The following SH3GLB1 variants were observed in gnomAD, a reference collection of about 807,000 sequenced individuals.
SH3GLB1 encodes the protein SH3 domain containing GRB2 like, endophilin B1, also known as endophilin-B1.
SH3GLB1 carries 17 observed loss-of-function variants against 42.0 expected under a neutral mutation model. The observed-to-expected ratio is 0.40, with a 90% CI of 0.28 to 0.61. SH3GLB1 has a LOEUF of 0.61. Among genes scored for constraint, SH3GLB1 ranks in the 20% least tolerant of loss-of-function variants. SH3GLB1 has a pLI of 0.36. For synonymous variants in SH3GLB1, 132 were observed against 146.6 expected (o/e 0.90, Z 0.72); for missense variants, 355 against 426.3 (o/e 0.83, Z 1.47).
At position 86,743,213 on chromosome 1, in the gene SH3GLB1, C is replaced by T. The variant is rs1656145876; in HGVS notation, c.1076C>T (p.Thr359Ile). 1 of 1,612,786 alleles carries T rather than the reference C, an allele frequency of 6.2e-7. No individual in the cohort carries two copies. The highest frequency in any genetic ancestry group is 1.7e-5 in the Admixed American group (1 of 59,794). The change falls in exon 9 of 9, where the codon ACC becomes ATC. Residue 359 changes from threonine to isoleucine, a missense_variant. Transcript: ENST00000370558. ...AACCAGAAGGGCAAGGTGCCAATTA[C>T]CTACTTAGAACTGCTCAATTAAGTA... ...RGNQKGKVPI[T>I]YLELLN
At chr1:86,725,708 TA>T (rs1263688438) in intron 5 of SH3GLB1, among the ~76,000 whole-genome samples, 1 of 152,162 alleles carries the variant, frequency 6.6e-6, no homozygotes, top group Non-Finnish European at 1.5e-5. Flanking sequence ...GTTTGGGAGA[TA>T]AAAAGGTTGA....
At chr1:86,729,950 T>C (rs1230442912) in intron 5 of SH3GLB1, 2 of 773,052 alleles carry the variant, frequency 2.6e-6, no homozygotes, top group African/African-American at 1.8e-5. Flanking sequence ...TAGTTACTAC[T>C]GTGTTTAATC....
intron 5 of SH3GLB1, among the ~76,000 whole-genome samples, chr1:86,729,659 TTATTA>T (rs2101965214): frequency 6.6e-6 from 1 of 152,234 alleles, no homozygotes; most frequent in South Asian, 2.1e-4. Flanking sequence ...CATTTTATAT[TTATTA>T]TATCTCCAGC....
At chr1:86,724,988 ATG>A (rs1484172985) in intron 5 of SH3GLB1, among the ~76,000 whole-genome samples, 14 of 145,928 alleles carry the variant, frequency 9.6e-5, no homozygotes, top group African/African-American at 3.3e-4. Context: ...AAATATATAT[ATG>A]TGTGTATATA....
At chr1:86,733,887 A>G (rs772752546) in intron 5 of SH3GLB1, among the ~76,000 whole-genome samples, 8 of 151,180 alleles carry the variant, frequency 5.3e-5, no homozygotes, top group Non-Finnish European at 1.2e-4. Flanking sequence ...TTTTTTTTTT[A>G]TTTCTTGGGG....
intron 5 of SH3GLB1, chr1:86,728,477 A>G (rs1655324863): frequency 1.9e-6 from 3 of 1,543,856 alleles, no homozygotes; most frequent in Non-Finnish European, 2.6e-6. Context: ...TCCTGCATGT[A>G]AAATGGCTGA....
rs960192096 is a variant in SH3GLB1, at chr1:86,710,866, A to G, written c.73-4858A>G. Among the ~76,000 whole-genome samples the G allele has an allele frequency of 7.2e-5, 11 of 152,246 alleles. No individual in the cohort carries two copies. The East Asian group carries it at 2.1e-3, about 29-fold the overall frequency. On this transcript the variant is annotated intron_variant, in intron 1 of 8. Transcript: ENST00000370558. ...ACTAAACCAAGCGATACATATTTAA[A>G]TAGTTATGAATGAGTTTAGAACAGT... is the stretch of plus-strand genomic sequence containing the variant.
At chr1:86,736,908 TCACACTAA>T (rs1655807554) in intron 7 of SH3GLB1, among the ~76,000 whole-genome samples, 1 of 152,196 alleles carries the variant, frequency 6.6e-6, no homozygotes, top group South Asian at 2.1e-4. Flanking sequence ...TCATCCAGCT[TCACACTAA>T]CACATTCAAA....
At chr1:86,728,630 A>G (rs1042219428) in intron 5 of SH3GLB1, 1 of 510,642 alleles carries the variant, frequency 2.0e-6, no homozygotes, top group African/African-American at 2.0e-5. Flanking sequence ...ATACTAGCTG[A>G]AGTAATACTG....
At chr1:86,708,988 T>TA (rs1292630639) in intron 1 of SH3GLB1, among the ~76,000 whole-genome samples, 1 of 152,060 alleles carries the variant, frequency 6.6e-6, no homozygotes, top group East Asian at 1.9e-4. Context: ...ATGGAGAGAG[T>TA]AAAAAAAATT....
At position 86,745,306 on chromosome 1, in the gene SH3GLB1, T is replaced by C. The variant is rs1656246546; in HGVS notation, c.*2071T>C. 6.6e-6 allele frequency: 1 copy of C among 152,210 alleles called. No individual in the cohort carries two copies. The highest frequency in any genetic ancestry group is 1.5e-5 in the Non-Finnish European group (1 of 68,028). The allele number at this position is 152,210 out of a possible 1,614,324, so 9.4% of individuals were successfully genotyped here. ...ATGTTATCTTGTATTTCAGGTGCCTTTCAGGGAAAGGCTTGGCACATAGTA... is the reference window on the plus strand; with the variant it reads ...ATGTTATCTTGTATTTCAGGTGCCTCTCAGGGAAAGGCTTGGCACATAGTA... On this transcript the variant is annotated 3_prime_UTR_variant, in exon 9 of 9. Coordinates refer to ENST00000370558, the MANE Select transcript of SH3GLB1 (RefSeq NM_016009.5).
intron 3 of SH3GLB1, 28 bp downstream of exon 3, chr1:86,719,663 A>G (rs747331777): frequency 1.9e-6 from 3 of 1,599,094 alleles, no homozygotes; most frequent in Non-Finnish European, 2.6e-6. Flanking sequence ...AGTTCTAATA[A>G]GGGATATCTT....
intron 7 of SH3GLB1, among the ~76,000 whole-genome samples, chr1:86,736,130 TC>T: frequency 6.6e-6 from 1 of 152,006 alleles, no homozygotes; most frequent in East Asian, 1.9e-4. Flanking sequence ...AGCATAGTGT[TC>T]AAGAATGGAA....
intron 5 of SH3GLB1, among the ~76,000 whole-genome samples, chr1:86,726,944 T>C (rs531760780): frequency 6.6e-6 from 1 of 152,132 alleles, no homozygotes; most frequent in African/African-American, 2.4e-5. Context: ...TTACTTTGAC[T>C]TCACGTCTTT....
intron 7 of SH3GLB1, 59 bp downstream of exon 7, chr1:86,735,238 A>T (rs1655724952): frequency 9.1e-7 from 1 of 1,098,354 alleles, no homozygotes; most frequent in Non-Finnish European, 1.4e-6. Context: ...TTATGAACTA[A>T]TACTAAGGAT....
chr1:86,710,230 T>G (rs1654122826), intron 1 of SH3GLB1, among the ~76,000 whole-genome samples: 1 of 152,170 alleles, frequency 6.6e-6, no homozygotes, highest in African/African-American at 2.4e-5. Context: ...AGAAAATCTA[T>G]AAAACTCTTT....
chr1:86,734,458 A>G, intron 5 of SH3GLB1, 144 bp from the exon 6 acceptor site: 1 of 618,814 alleles, frequency 1.6e-6, no homozygotes, highest in Admixed American at 2.8e-5. Context: ...CCAGGGGACC[A>G]TTTTAGATAC....
chr1:86,727,497 G>A (rs554032957), intron 5 of SH3GLB1, among the ~76,000 whole-genome samples: 11 of 151,994 alleles, frequency 7.2e-5, no homozygotes, highest in African/African-American at 1.7e-4. Context: ...CCTTTATGAC[G>A]CTCAAAAGAA....
intron 7 of SH3GLB1, among the ~76,000 whole-genome samples, chr1:86,735,520 A>C (rs1019771195): frequency 1.3e-5 from 2 of 152,232 alleles, no homozygotes; most frequent in African/African-American, 2.4e-5. Context: ...AGATAAACTA[A>C]TTTATACTTA....
Sources: gnomAD v4.1 joint callset for allele counts (sites outside exome capture counted in the v4.1 genomes callset) on GRCh38, gnomAD v4.1.1 for gene constraint, MANE v1.5 for transcripts, NCBI Gene and HGNC (gene_info 2026-07-23, HGNC 2026-07-21) for gene names.